Variants in GPC3 observed in about 807,000 individuals in gnomAD.
GPC3 encodes glypican 3.
GPC3 carries 3 observed loss-of-function variants against 34.4 expected under a neutral mutation model. That is an observed-to-expected ratio of 0.09 (90% CI 0.04 to 0.23). GPC3 has a LOEUF of 0.23. Among genes scored for constraint, GPC3 ranks in the 10% least tolerant of loss-of-function variants. The pLI is 1.00. For missense variants in GPC3, 351 were observed against 445.6 expected, an observed-to-expected ratio of 0.79 and a Z score of 1.91; for synonymous variants, 177 against 174.0, an observed-to-expected ratio of 1.02 and a Z score of -0.13.
chrX:133,891,647 A>T (rs980322385), intron 2 of GPC3, among the ~76,000 whole-genome samples: 1 of 107,693 alleles, frequency 9.3e-6, no homozygotes, highest in Admixed American at 1.0e-4. Flanking sequence ...TAATTATTAT[A>T]ATAATAATAG....
chrX:133,644,776 T>C (rs1430713621), intron 6 of GPC3, among the ~76,000 whole-genome samples: 2 of 111,625 alleles, frequency 1.8e-5, no homozygotes, highest in African/African-American at 6.5e-5. Flanking sequence ...GGATTCTTTC[T>C]TCTCTCTTTT....
intron 6 of GPC3, among the ~76,000 whole-genome samples, chrX:133,628,208 G>A (rs952828019): frequency 1.8e-4 from 20 of 112,237 alleles, no homozygotes; most frequent in Admixed American, 9.5e-5. Flanking sequence ...TGTTTACTTA[G>A]TTGTGGCTTC....
chrX:133,689,933 T>C (rs747340336), intron 5 of GPC3, among the ~76,000 whole-genome samples: 2 of 112,233 alleles, frequency 1.8e-5, no homozygotes, highest in African/African-American at 6.5e-5. Flanking sequence ...CTTTTTCAAA[T>C]AGTTATTGTT....
chrX:133,770,221 G>A (rs1603244045), intron 2 of GPC3, among the ~76,000 whole-genome samples: 1 of 110,994 alleles, frequency 9.0e-6, no homozygotes, highest in African/African-American at 3.3e-5. Context: ...AGGCTGCAGT[G>A]AGCCATGTTC....
intron 3 of GPC3, chrX:133,704,191 T>C (rs1372833210): frequency 2.7e-5 from 28 of 1,026,086 alleles, no homozygotes; most frequent in Admixed American, 6.6e-5. Flanking sequence ...CCTGGTCCCA[T>C]AGCTTCACTC....
intron 2 of GPC3, among the ~76,000 whole-genome samples, chrX:133,883,218 T>C (rs979292191): frequency 1.8e-5 from 2 of 111,729 alleles, no homozygotes; most frequent in Non-Finnish European, 3.8e-5. Flanking sequence ...TCAATACTTA[T>C]AGATTCTGCT....
intron 5 of GPC3, among the ~76,000 whole-genome samples, chrX:133,681,730 C>T (rs1014454026): frequency 8.9e-6 from 1 of 112,059 alleles, no homozygotes; most frequent in Non-Finnish European, 1.9e-5. Context: ...GCTTCCCTAA[C>T]ATACCTTTCC....
intron 2 of GPC3, among the ~76,000 whole-genome samples, chrX:133,912,515 T>G (rs1465415050): frequency 1.8e-5 from 2 of 109,936 alleles, no homozygotes; most frequent in Admixed American, 9.7e-5. Flanking sequence ...AATTGGGTTT[T>G]TTTTTTTTTT....
chrX:133,880,264 C>T (rs1430382341), intron 2 of GPC3, among the ~76,000 whole-genome samples: 1 of 112,198 alleles, frequency 8.9e-6, no homozygotes, highest in African/African-American at 3.2e-5. Context: ...TAATTTTTCA[C>T]TCACTCAACC....
At chrX:133,711,839 A>G (rs2124447467) in intron 3 of GPC3, among the ~76,000 whole-genome samples, 1 of 111,815 alleles carries the variant, frequency 8.9e-6, no homozygotes, top group Admixed American at 9.5e-5. Flanking sequence ...CCCAGAACTG[A>G]GTGCTCTTAC....
At chrX:133,818,056 T>TATCATTG in intron 2 of GPC3, among the ~76,000 whole-genome samples, 1 of 111,686 alleles carries the variant, frequency 9.0e-6, no homozygotes, top group South Asian at 3.8e-4. Flanking sequence ...GGAGAGGCAC[T>TATCATTG]GATTTGATCA....
intron 7 of GPC3, among the ~76,000 whole-genome samples, chrX:133,573,268 G>A (rs1320103880): frequency 8.9e-6 from 1 of 111,949 alleles, no homozygotes. Flanking sequence ...GCCCAATACA[G>A]GGCATCTATA....
chrX:133,925,287 ATATAC>A (rs2124617517), intron 2 of GPC3, among the ~76,000 whole-genome samples: 1 of 110,427 alleles, frequency 9.1e-6, no homozygotes, highest in East Asian at 2.9e-4. Flanking sequence ...AATCCAGTGG[ATATAC>A]TGATTCTGGA....
At chrX:133,615,366 C>T (rs1257959929) in intron 6 of GPC3, among the ~76,000 whole-genome samples, 1 of 111,546 alleles carries the variant, frequency 9.0e-6, no homozygotes, top group South Asian at 3.7e-4. Flanking sequence ...GCATTTAATA[C>T]AGGAATTCAA....
At chrX:133,725,723 G>A (rs1429098414) in intron 3 of GPC3, among the ~76,000 whole-genome samples, 1 of 112,004 alleles carries the variant, frequency 8.9e-6, no homozygotes, top group Non-Finnish European at 1.9e-5. Flanking sequence ...AATTCTTCCA[G>A]CTCTTCCAAG....
At chrX:133,849,767 T>C (rs2075863874) in intron 2 of GPC3, among the ~76,000 whole-genome samples, 1 of 111,239 alleles carries the variant, frequency 9.0e-6, no homozygotes, top group Non-Finnish European at 1.9e-5. Flanking sequence ...CAGAGGGCTG[T>C]CTTTACCTCT....
chrX:133,595,016 G>T (rs938816345), intron 7 of GPC3, among the ~76,000 whole-genome samples: 1 of 110,814 alleles, frequency 9.0e-6, no homozygotes, highest in African/African-American at 3.3e-5. Flanking sequence ...GTGTGAAAGC[G>T]CCATTGCACT....
intron 2 of GPC3, among the ~76,000 whole-genome samples, chrX:133,873,229 A>C (rs2076001334): frequency 8.9e-6 from 1 of 112,133 alleles, no homozygotes; most frequent in Non-Finnish European, 1.9e-5. Context: ...CCAGAAGTTT[A>C]CTACAAAAGT....
chrX:133,788,203 C>T (rs1316907660), intron 2 of GPC3, among the ~76,000 whole-genome samples: 2 of 100,048 alleles, frequency 2.0e-5, no homozygotes, highest in African/African-American at 7.6e-5. Flanking sequence ...TCCCCTTATC[C>T]AGCTTCCTAG....
Sources: allele counts gnomAD v4.1 joint callset (sites outside exome capture counted in the v4.1 genomes callset), GRCh38; gene constraint gnomAD v4.1.1; transcripts MANE v1.5; gene names NCBI Gene and HGNC (gene_info 2026-07-23, HGNC 2026-07-21).